Variants in LTBP1 observed in about 807,000 individuals in gnomAD.
LTBP1 encodes the protein latent-transforming growth factor beta-binding protein 1.
A neutral mutation model predicts 207.6 loss-of-function variants in LTBP1; 129 were observed. That is an observed-to-expected ratio of 0.62 (90% CI 0.54 to 0.72). The LOEUF is 0.72. Among genes scored for constraint, LTBP1 ranks in the 30% least tolerant of loss-of-function variants. LTBP1 has a pLI of 0.00. For synonymous variants in LTBP1, 963 were observed against 833.7 expected (o/e 1.16, Z -2.67); for missense variants, 2,281 against 2,217.2 (o/e 1.03, Z -0.58).
intron 25 of LTBP1, among the ~76,000 whole-genome samples, chr2:33,344,867 G>GA (rs2094680950): frequency 1.3e-5 from 2 of 152,030 alleles, no homozygotes; most frequent in Admixed American, 6.6e-5. Flanking sequence ...ACCATACCTG[G>GA]AAACCATGTC....
chr2:33,219,319 T>G (rs966379338), intron 8 of LTBP1, among the ~76,000 whole-genome samples: 1 of 152,214 alleles, frequency 6.6e-6, no homozygotes, highest in Non-Finnish European at 1.5e-5. Context: ...GGAAGTAGGT[T>G]GAGTGTGATG....
chr2:33,339,270 A>G (rs1053237114), intron 24 of LTBP1, among the ~76,000 whole-genome samples: 2 of 152,190 alleles, frequency 1.3e-5, no homozygotes, highest in Non-Finnish European at 2.9e-5. Flanking sequence ...TATTATGAAT[A>G]TATCCAATAG....
At chr2:33,088,956 G>T (rs564534569) in intron 3 of LTBP1, among the ~76,000 whole-genome samples, 1 of 152,128 alleles carries the variant, frequency 6.6e-6, no homozygotes, top group South Asian at 2.1e-4. Flanking sequence ...AGGAGTTTGA[G>T]ACCAGCCTGG....
intron 5 of LTBP1, 96 bp from the exon 6 acceptor site, chr2:33,186,760 A>G (rs921903684): frequency 1.1e-6 from 1 of 896,040 alleles, no homozygotes; most frequent in South Asian, 1.6e-5. Context: ...TCTGATGCCT[A>G]TAATGGGCTG....
intron 2 of LTBP1, among the ~76,000 whole-genome samples, chr2:33,003,317 A>C (rs530622933): frequency 6.6e-6 from 1 of 152,178 alleles, no homozygotes; most frequent in African/African-American, 2.4e-5. Flanking sequence ...AACTAACTTC[A>C]CTCCCTGCTT....
At chr2:33,211,628 A>G (rs1164307713) in intron 7 of LTBP1, among the ~76,000 whole-genome samples, 2 of 152,180 alleles carry the variant, frequency 1.3e-5, no homozygotes, top group African/African-American at 2.4e-5. Flanking sequence ...CTCCTTCCCC[A>G]GGACTCTGCA....
intron 3 of LTBP1, among the ~76,000 whole-genome samples, chr2:33,065,179 A>G (rs1377926555): frequency 6.6e-6 from 1 of 152,102 alleles, no homozygotes; most frequent in Non-Finnish European, 1.5e-5. Context: ...AAATACGATT[A>G]TTTTTTATTC....
chr2:33,310,977 A>T (rs1239092278), intron 23 of LTBP1, among the ~76,000 whole-genome samples: 1 of 152,208 alleles, frequency 6.6e-6, no homozygotes, highest in Non-Finnish European at 1.5e-5. Flanking sequence ...AGCATAAATA[A>T]ATAAAAAAAA....
At chr2:33,040,171 G>A (rs219214) in intron 3 of LTBP1, among the ~76,000 whole-genome samples, 134,266 of 151,886 alleles carry the variant, frequency 0.88, 61,454 homozygotes, top group East Asian at 1. Flanking sequence ...TCTTGATTAT[G>A]GGAGGCAGTA....
chr2:33,266,908 C>G (rs1334261440), intron 15 of LTBP1, among the ~76,000 whole-genome samples: 1 of 152,200 alleles, frequency 6.6e-6, no homozygotes, highest in Admixed American at 6.5e-5. Context: ...AAACATGACC[C>G]CCCCACTCAC....
At chr2:33,212,439 C>T (rs1367534126) in intron 7 of LTBP1, among the ~76,000 whole-genome samples, 1 of 152,182 alleles carries the variant, frequency 6.6e-6, no homozygotes, top group African/African-American at 2.4e-5. Flanking sequence ...GTGAGAGCAG[C>T]AGAAACACTT....
intron 3 of LTBP1, among the ~76,000 whole-genome samples, chr2:33,082,250 C>T (rs1193814258): frequency 6.6e-6 from 1 of 152,114 alleles, no homozygotes; most frequent in African/African-American, 2.4e-5. Flanking sequence ...AAGGCCCTTA[C>T]CACATGTCAG....
intron 5 of LTBP1, among the ~76,000 whole-genome samples, chr2:33,169,057 G>A (rs2085192303): frequency 6.6e-6 from 1 of 152,250 alleles, no homozygotes; most frequent in Admixed American, 6.5e-5. Flanking sequence ...AGGAGTTGTA[G>A]TCGGGCCTTG....
intron 31 of LTBP1, among the ~76,000 whole-genome samples, chr2:33,380,424 C>A (rs376340839): frequency 2.2e-3 from 280 of 125,496 alleles, no homozygotes; most frequent in Admixed American, 2.5e-3. Flanking sequence ...TAAAAAAATA[C>A]AAAAAAAAAA....
At chr2:33,203,567 C>T (rs2089558269) in intron 7 of LTBP1, among the ~76,000 whole-genome samples, 1 of 152,200 alleles carries the variant, frequency 6.6e-6, no homozygotes, top group Non-Finnish European at 1.5e-5. Context: ...CTGCCCGGAC[C>T]TGTTTAAGAG....
At chr2:33,057,421 C>A (rs902256578) in intron 3 of LTBP1, among the ~76,000 whole-genome samples, 1 of 152,236 alleles carries the variant, frequency 6.6e-6, no homozygotes, top group African/African-American at 2.4e-5. Context: ...CCGCGCCATG[C>A]GCCTGCACTC....
rs1688331081 is a variant in LTBP1 at position 33,016,046 on chromosome 2, C to G, written c.566-4863C>G. On this transcript the variant is annotated intron_variant, in intron 2 of 33. Transcript: ENST00000404816. Reference sequence around the variant, plus strand: ...ATTCAACAGGAGATTTGGTAGGACTCATACCAAACCCTGTCAGTGGACATT... The same window carrying G: ...ATTCAACAGGAGATTTGGTAGGACTGATACCAAACCCTGTCAGTGGACATT... 2.0e-5 allele frequency among the ~76,000 whole-genome samples: 3 copies of G among 152,128 alleles called. No homozygotes were observed. In the South Asian group the frequency reaches 6.2e-4, roughly 32 times the overall value.
chr2:33,297,168 G>T (rs2093892809), intron 20 of LTBP1, among the ~76,000 whole-genome samples: 1 of 152,058 alleles, frequency 6.6e-6, no homozygotes, highest in South Asian at 2.1e-4. Context: ...GGTGAGAAAG[G>T]GCTATTACTT....
At chr2:32,983,582 C>T (rs1683089103) in intron 2 of LTBP1, among the ~76,000 whole-genome samples, 1 of 152,164 alleles carries the variant, frequency 6.6e-6, no homozygotes, top group Admixed American at 6.5e-5. Flanking sequence ...TCCCAATAAT[C>T]CCCTTGTGTC....
Sources: gnomAD v4.1 joint callset for allele counts (sites outside exome capture counted in the v4.1 genomes callset) on GRCh38, gnomAD v4.1.1 for gene constraint, MANE v1.5 for transcripts, NCBI Gene and HGNC (gene_info 2026-07-23, HGNC 2026-07-21) for gene names.